LRP1: variants seen among roughly 807,000 people sequenced by gnomAD.
The protein encoded by LRP1 is LDL receptor related protein 1.
A neutral mutation model predicts 541.5 loss-of-function variants in LRP1; 51 were observed. The observed-to-expected ratio is 0.09, with a 90% CI of 0.08 to 0.12. The LOEUF (loss-of-function observed/expected upper bound fraction) is 0.12, where lower values mean the gene tolerates loss of function less well. LRP1 is among the 10% of genes least tolerant of loss of function. The pLI is 1.00. For synonymous variants in LRP1, 2,219 were observed against 2,470.8 expected (o/e 0.90, Z 3.02); for missense variants, 3,878 against 6,376.2 (o/e 0.61, Z 13.34).
rs370666303 is a variant in LRP1 at position 57,173,144 on chromosome 12, AGGCCCTCCACTGTC to A, written c.3164-23_3164-10del. 2.9e-4 allele frequency: 459 copies of A among 1,578,526 alleles called. No homozygotes were observed. In the African/African-American group the frequency reaches 5.3e-3, roughly 18 times the overall value. Reference sequence around the variant, plus strand: ...TGACCTGGGCAACCCCTCCCTCCTGAGGCCCTCCACTGTCCCTCTGCAGCCACGAGGCCCCCTGG... The same window carrying A: ...TGACCTGGGCAACCCCTCCCTCCTGACCTCTGCAGCCACGAGGCCCCCTGG... On this transcript the variant is annotated splice_polypyrimidine_tract_variant and intron_variant, in intron 20 of 88. Coordinates refer to ENST00000243077, the MANE Select transcript of LRP1 (RefSeq NM_002332.3). This position sits in a 1 kb window ranked among gnomAD's most constrained non-coding sequence, Gnocchi z 4.7.
intron 6 of LRP1, among the ~76,000 whole-genome samples, chr12:57,152,187 T>G (rs1275062568): frequency 6.6e-6 from 1 of 152,228 alleles, no homozygotes; most frequent in East Asian, 1.9e-4. Context: ...TCTGCAGGTT[T>G]CTTCCTTCTC....
Position 57,210,695 on chromosome 12 carries a change from G to A in LRP1, c.12755-23G>A, listed in dbSNP as rs34268477. 37 of 1,597,000 alleles carry A rather than the reference G, an allele frequency of 2.3e-5. No individual in the cohort carries two copies. In the African/African-American group the frequency reaches 2.9e-4, roughly 13 times the overall value. On this transcript the variant is annotated intron_variant, in intron 82 of 88. Coordinates refer to ENST00000243077, the MANE Select transcript of LRP1 (RefSeq NM_002332.3). The stretch of plus-strand genomic sequence containing the variant: ...AGGTGGTCTCGAGGGCCACAGTCGC[G>A]CTCACACATCCTCTCCCACCAGGCA...
In LRP1 at chr12:57,197,556, C is replaced by A. The variant is rs138786816; in HGVS notation, c.9174C>A (p.Asn3058Lys). 6.2e-7 allele frequency: 1 copy of A among 1,614,008 alleles called. No individual in the cohort carries two copies. The highest frequency in any genetic ancestry group is 8.5e-7 in the Non-Finnish European group (1 of 1,180,032). Residue 3058 changes from asparagine to lysine, a missense_variant, in exon 58 of 89, where the codon AAC becomes AAA. By Grantham distance (94) the Asn-to-Lys change is moderately conservative. This residue lies in a region of LRP1 where 1,100 missense variants were observed against 1,827.4 expected (regional missense o/e 0.60). Coordinates refer to ENST00000243077, the MANE Select transcript of LRP1 (RefSeq NM_002332.3). This position sits in a 1 kb window ranked among gnomAD's most constrained non-coding sequence, Gnocchi z 4.5. ...CTCCCCAAATCCAGGGCCTGAACAA[C>A]GCCGTTGCCTTGGATTTTGACTACC... ...NYTLLKQGLN[N>K]AVALDFDYRE... is the part of the protein sequence containing the mutation.
Position 57,128,898 on chromosome 12 carries a change from G to A in LRP1, c.-67G>A, listed in dbSNP as rs984630715. On this transcript the variant is annotated 5_prime_UTR_variant, in exon 1 of 89. Coordinates refer to ENST00000243077, the MANE Select transcript of LRP1 (RefSeq NM_002332.3). ...GAGGAAAAGGGGGACCCCCCAACTG[G>A]GGGGGGTGAAGGAGAGAAGTAGCAG... 1 of 1,374,078 alleles carries A rather than the reference G, an allele frequency of 7.3e-7. No individual in the cohort carries two copies. The highest frequency in any genetic ancestry group is 1.0e-6 in the Non-Finnish European group (1 of 1,003,038). The allele number at this position is 1,374,078 out of a possible 1,614,324, so 85.1% of individuals were successfully genotyped here.
chr12:57,197,745 C>T lies in LRP1; in HGVS notation c.9282+81C>T. The T allele has an allele frequency of 1.3e-6, 2 of 1,543,834 alleles. No individual in the cohort carries two copies. The highest frequency in any genetic ancestry group is 8.8e-7 in the Non-Finnish European group (1 of 1,138,744). On this transcript the variant is annotated intron_variant, in intron 58 of 88. Coordinates refer to ENST00000243077, the MANE Select transcript of LRP1 (RefSeq NM_002332.3). The surrounding 1 kb of genome is among the most constrained non-coding windows in gnomAD (Gnocchi z 4.5). ...AGATCGTCTCTCCTTCCCGCCCCAC[C>T]AACCCAAATTGCTTCCTTCTCACTC...
intron 82 of LRP1, 95 bp from the exon 83 acceptor site, chr12:57,210,623 C>T: frequency 1.3e-6 from 2 of 1,490,292 alleles, no homozygotes; most frequent in South Asian, 1.3e-5. Flanking sequence ...ACTCCAGTCT[C>T]TGCTTCTCGC....
In LRP1 at chr12:57,179,411, C is replaced by T. The variant is rs2036115575; in HGVS notation, c.4821C>T (p.Ile1607=). 4 of 1,614,150 alleles carry T rather than the reference C, an allele frequency of 2.5e-6. No homozygotes were observed. The highest frequency in any genetic ancestry group is 1.7e-5 in the Admixed American group (1 of 60,012). Residue 1607 remains isoleucine (I), a synonymous_variant, in exon 29 of 89, where the codon ATC becomes ATT. Coordinates refer to ENST00000243077, the MANE Select transcript of LRP1 (RefSeq NM_002332.3). The surrounding 1 kb of genome is among the most constrained non-coding windows in gnomAD (Gnocchi z 6.8). ...ATGCTCCCTACTACAACTACATCAT[C>T]TCCTTCACGGTGCCCGACATCGACA... ...DLDAPYYNYI[I]SFTVPDIDNV...
At position 57,211,527 on chromosome 12, in the gene LRP1, G is replaced by C. The variant is rs201059804; in HGVS notation, c.13132G>C (p.Val4378Leu). The change falls in exon 85 of 89, where the codon GTC becomes CTC. Residue 4378 changes from valine (V) to leucine (L), a missense_variant. Val to Leu is a conservative substitution (Grantham distance 32, BLOSUM62 1). This residue lies in a region of LRP1 where 871 missense variants were observed against 1,212.4 expected (regional missense o/e 0.72). Coordinates refer to ENST00000243077, the MANE Select transcript of LRP1 (RefSeq NM_002332.3). The surrounding 1 kb of genome is among the most constrained non-coding windows in gnomAD (Gnocchi z 4.3). The part of the protein sequence containing the change: ...GRVAPSCLTC[V>L]GHCSNGGSCT... ...GGTGGCCCCCAGCTGTCTGACCTGC[G>C]TCGGCCACTGCAGCAATGGCGGCTC... 63 of 1,613,884 alleles carry C rather than the reference G, an allele frequency of 3.9e-5. No individual in the cohort carries two copies. The highest frequency in any genetic ancestry group is 5.3e-5 in the Non-Finnish European group (63 of 1,180,052).
Position 57,153,483 on chromosome 12 carries a change from T to C in LRP1, c.842-725T>C, listed in dbSNP as rs926451554. On this transcript the variant is annotated intron_variant, in intron 6 of 88. Coordinates refer to ENST00000243077, the MANE Select transcript of LRP1 (RefSeq NM_002332.3). ...CCATGCCTCAGTTTGCCCTGAGGAT[T>C]CTTTCATGGCCCTCCTCCTAGACTC... Among the ~76,000 whole-genome samples the C allele has an allele frequency of 2.6e-5, 4 of 152,168 alleles. No homozygotes were observed. In the East Asian group the frequency reaches 7.7e-4, roughly 29 times the overall value.
At position 57,183,977 on chromosome 12, in the gene LRP1, A is replaced by G. The variant is rs2036219105; in HGVS notation, c.5929+68A>G. The stretch of plus-strand genomic sequence containing the variant: ...GACTGGGGGACGAAGTGAGAGGAGG[A>G]GTTGGCGGGAGCAGGAAGAGGAGCT... On this transcript the variant is annotated intron_variant, in intron 36 of 88. Transcript: ENST00000243077. The surrounding 1 kb of genome is among the most constrained non-coding windows in gnomAD (Gnocchi z 6.1). 6 of 1,607,628 alleles carry G rather than the reference A, an allele frequency of 3.7e-6. No individual in the cohort carries two copies. Among genetic ancestry groups the G allele is most frequent in the Non-Finnish European group, 5.1e-6 (6 of 1,175,922 alleles).
chr12:57,187,451 C>T lies in LRP1; in HGVS notation c.7026C>T (p.Cys2342=), dbSNP rs954821573. The T allele has an allele frequency of 1.2e-6, 2 of 1,612,088 alleles. No homozygotes were observed. The highest frequency in any genetic ancestry group is 1.3e-5 in the African/African-American group (1 of 74,898). Residue 2342 remains cysteine (C), a synonymous_variant, in exon 42 of 89, where the codon TGC becomes TGT. Coordinates refer to ENST00000243077, the MANE Select transcript of LRP1 (RefSeq NM_002332.3). ...DHPRAFVLDE[C]QNLMFWTNWN... ...CACGGGCCTTCGTTTTGGACGAGTG[C>T]CAGAAGTGAGCTGCTGCCTGGGGAT...
rs988606313 is a variant in LRP1, at chr12:57,174,047, T to C, written c.3547+67T>C. The C allele has an allele frequency of 1.9e-5, 28 of 1,505,418 alleles. No individual in the cohort carries two copies. In the South Asian group the frequency reaches 2.9e-4, roughly 16 times the overall value. 93.3% of individuals were successfully genotyped at this position (1,505,418 alleles called of 1,614,324 possible). A position where few individuals can be genotyped will look rare whatever the true frequency, so the allele number is the denominator to read the frequency against. On this transcript the variant is annotated intron_variant, in intron 22 of 88. Transcript: ENST00000243077. ...GTAGGAGTCTGGGCCAAGGACAGTCTTTGGGGGACCTGAGTCTAGGAGAGA... is the reference window on the plus strand; with the variant it reads ...GTAGGAGTCTGGGCCAAGGACAGTCCTTGGGGGACCTGAGTCTAGGAGAGA...
chr12:57,144,632 C>A (rs2035361662), intron 4 of LRP1: 1 of 283,566 alleles, frequency 3.5e-6, no homozygotes, highest in African/African-American at 2.1e-5. Flanking sequence ...ATTATAGTAA[C>A]TATATTTCAT....
rs1166906114 is a variant in LRP1, at chr12:57,184,492, C to A, written c.6186+40C>A. The A allele has an allele frequency of 6.2e-7, 1 of 1,612,736 alleles. No homozygotes were observed. The highest frequency in any genetic ancestry group is 2.2e-5 in the East Asian group (1 of 44,860). ...TTGGCCTTGGATCCGATGGTAGACC[C>A]CTGACCCAGGCTCCTGTTCCCTGTG... On this transcript the variant is annotated intron_variant, in intron 38 of 88. Coordinates refer to ENST00000243077, the MANE Select transcript of LRP1 (RefSeq NM_002332.3). This position sits in a 1 kb window ranked among gnomAD's most constrained non-coding sequence, Gnocchi z 7.8.
In LRP1 at chr12:57,201,160, G is replaced by A. The variant is rs771162698; in HGVS notation, c.10345+7G>A. The A allele has an allele frequency of 1.2e-6, 2 of 1,613,992 alleles. No individual in the cohort carries two copies. The highest frequency in any genetic ancestry group is 1.7e-6 in the Non-Finnish European group (2 of 1,179,892). On this transcript the variant is annotated splice_region_variant and intron_variant, in intron 65 of 88. Coordinates refer to ENST00000243077, the MANE Select transcript of LRP1 (RefSeq NM_002332.3). This position sits in a 1 kb window ranked among gnomAD's most constrained non-coding sequence, Gnocchi z 6.4. Reference sequence around the variant, plus strand: ...GAGGATGAGAGGGACTGCCGTGAGTGTCAGAGGTGGTGGTGGGCCGGTGGT... The same window carrying A: ...GAGGATGAGAGGGACTGCCGTGAGTATCAGAGGTGGTGGTGGGCCGGTGGT...
At chr12:57,136,395 G>GCGC (rs780129288) in intron 1 of LRP1, among the ~76,000 whole-genome samples, 1 of 99,104 alleles carries the variant, frequency 1.0e-5, no homozygotes, top group East Asian at 2.9e-4. Context: ...CCTCCTAAGA[G>GCGC]CCCCCCCCCC....
At position 57,185,584 on chromosome 12, in the gene LRP1, CG is replaced by C; in HGVS notation, c.6521del (p.Gly2174AlafsTer60). 1 of 1,604,392 alleles carries C rather than the reference CG, an allele frequency of 6.2e-7. No homozygotes were observed. Among genetic ancestry groups the C allele is most frequent in the Non-Finnish European group, 8.5e-7 (1 of 1,176,852 alleles). Reference sequence around the variant, plus strand: ...CGGGTGCCAGCAGCTGTGCCTGTACCGGGGCCGTGGGCAGCGGGCCTGCGCC... The same window carrying C: ...CGGGTGCCAGCAGCTGTGCCTGTACCGGGCCGTGGGCAGCGGGCCTGCGCC... ...NGGCQQLCLY[R>X]GRGQRACACA... On this transcript the variant is annotated frameshift_variant, in exon 41 of 89. Transcript: ENST00000243077. LOFTEE classifies it high-confidence loss of function. The surrounding 1 kb of genome is among the most constrained non-coding windows in gnomAD (Gnocchi z 4.9).
intron 15 of LRP1, among the ~76,000 whole-genome samples, chr12:57,163,655 T>C (rs2035783416): frequency 6.6e-6 from 1 of 151,938 alleles, no homozygotes; most frequent in East Asian, 1.9e-4. Flanking sequence ...AAAGCCCAAA[T>C]CCCACCAGTG....
Position 57,145,430 on chromosome 12 carries a change from A to T in LRP1, c.781A>T (p.Met261Leu). The change falls in exon 6 of 89, where the codon ATG (methionine) becomes TTG (leucine). Residue 261 changes from methionine (M) to leucine (L), a missense_variant. Met to Leu is a conservative substitution (Grantham distance 15). Around this residue, in one of 13 missense-constraint regions of LRP1, gnomAD observed 293 missense variants for 403.7 expected, o/e 0.73. Coordinates refer to ENST00000243077, the MANE Select transcript of LRP1 (RefSeq NM_002332.3). ...TCAGACGCAGCTCAAGTGTGCCCGC[A>T]TGCCTGGCCTAAAGGGCTTCGTGGA... ...AAQTQLKCAR[M>L]PGLKGFVDEH... is the part of the protein sequence containing the mutation. 1 of 1,614,082 alleles carries T rather than the reference A, an allele frequency of 6.2e-7. No individual in the cohort carries two copies. The highest frequency in any genetic ancestry group is 8.5e-7 in the Non-Finnish European group (1 of 1,180,010).
Sources: allele counts gnomAD v4.1 joint callset (sites outside exome capture counted in the v4.1 genomes callset), GRCh38; gene constraint gnomAD v4.1.1; regional missense constraint gnomAD v4.1.1; non-coding constraint Gnocchi (gnomAD v3.1); transcripts MANE v1.5; gene names NCBI Gene and HGNC (gene_info 2026-07-23, HGNC 2026-07-21).